Variants in KLF12 observed in about 807,000 individuals in gnomAD.
KLF12 encodes the protein KLF transcription factor 12, also known as Krueppel-like factor 12.
KLF12 carries 9 observed loss-of-function variants against 37.8 expected under a neutral mutation model. The ratio of observed to expected loss-of-function variants is 0.24; its 90% CI spans 0.14 to 0.42. The LOEUF (loss-of-function observed/expected upper bound fraction) is 0.42, where lower values mean the gene tolerates loss of function less well. Among genes scored for constraint, KLF12 ranks in the 10% least tolerant of loss-of-function variants. The probability of loss-of-function intolerance (pLI) is 1.00; values close to 1 mark genes in which losing one functional copy is unlikely to be tolerated. For synonymous variants in KLF12, 208 were observed against 202.1 expected (o/e 1.03, Z -0.25); for missense variants, 411 against 516.0 (o/e 0.80, Z 1.97).
the KLF12 span, among the ~76,000 whole-genome samples, chr13:74,223,314 A>G: frequency 1.3e-5 from 2 of 152,364 alleles, no homozygotes; most frequent in East Asian, 3.9e-4. Flanking sequence ...ACATGCTGCA[A>G]ATAATATCTG....
intron 1 of KLF12, among the ~76,000 whole-genome samples, chr13:74,117,197 T>C (rs531230271): frequency 1.3e-5 from 2 of 152,312 alleles, no homozygotes; most frequent in Admixed American, 1.3e-4. Flanking sequence ...GGTTTCTAGA[T>C]ATCATTCTAC....
chr13:73,898,115 TAGGAG>T (rs1036190279), intron 3 of KLF12, among the ~76,000 whole-genome samples: 43 of 152,184 alleles, frequency 2.8e-4, no homozygotes, highest in African/African-American at 1.0e-3. Context: ...TCACTTCCTC[TAGGAG>T]AGATTACTTA....
the KLF12 span, among the ~76,000 whole-genome samples, chr13:74,270,263 G>A: frequency 6.6e-6 from 1 of 152,266 alleles, no homozygotes; most frequent in Admixed American, 6.5e-5. Flanking sequence ...TGATTGAGAT[G>A]ACTCAGGATT....
At chr13:73,938,865 G>C (rs906949646) in intron 3 of KLF12, among the ~76,000 whole-genome samples, 3 of 152,006 alleles carry the variant, frequency 2.0e-5, no homozygotes, top group Admixed American at 2.0e-4. Context: ...GAGTATTGAC[G>C]TGATTCTATA....
intron 3 of KLF12, among the ~76,000 whole-genome samples, chr13:73,886,899 G>A (rs1345005420): frequency 6.6e-6 from 1 of 151,656 alleles, no homozygotes; most frequent in Non-Finnish European, 1.5e-5. Flanking sequence ...GGCTGAGGCA[G>A]GAGAATGGCT....
At chr13:74,274,633 A>G in the KLF12 span, among the ~76,000 whole-genome samples, 1 of 151,100 alleles carries the variant, frequency 6.6e-6, no homozygotes, top group Non-Finnish European at 1.5e-5. Flanking sequence ...GTTGTATATT[A>G]CCATTCTTTT....
rs145763142 is a variant in KLF12, at chr13:73,691,795, A to G, written c.*3695T>C. 6.5e-5 allele frequency: 10 copies of G among 152,770 alleles called. No individual in the cohort carries two copies. The highest frequency in any genetic ancestry group is 1.2e-4 in the Non-Finnish European group (8 of 68,016). The allele number at this position is 152,770 out of a possible 1,614,324, so 9.5% of individuals were successfully genotyped here. ...GTTATCATTCTAATGAACTGATTCC[A>G]AAGTGCAGAATTATGTTTAAAACAC... On this transcript the variant is annotated 3_prime_UTR_variant, in exon 8 of 8. Transcript: ENST00000377669.
intron 5 of KLF12, among the ~76,000 whole-genome samples, chr13:73,809,824 A>G (rs1383595803): frequency 6.6e-6 from 1 of 152,170 alleles, no homozygotes; most frequent in Non-Finnish European, 1.5e-5. Flanking sequence ...AGCTCAGTGT[A>G]TTCTTAACTA....
At chr13:74,094,159 A>T (rs2138835675) in intron 1 of KLF12, among the ~76,000 whole-genome samples, 1 of 152,282 alleles carries the variant, frequency 6.6e-6, no homozygotes, top group East Asian at 1.9e-4. Context: ...TGTCATATAC[A>T]TGCACAAATA....
chr13:73,710,729 C>A (rs1875330163), intron 7 of KLF12, among the ~76,000 whole-genome samples: 1 of 120,892 alleles, frequency 8.3e-6, no homozygotes. Flanking sequence ...TTGAGCCCCC[C>A]TATTCCTTGA....
chr13:74,148,742 T>TTTTTG, the KLF12 span, among the ~76,000 whole-genome samples: 7 of 152,076 alleles, frequency 4.6e-5, no homozygotes, highest in East Asian at 1.9e-4. Flanking sequence ...TTCTCCAGTT[T>TTTTTG]TTTTGTTTTG....
chr13:73,969,300 G>C (rs189825279), intron 2 of KLF12, among the ~76,000 whole-genome samples: 232 of 152,292 alleles, frequency 1.5e-3, no homozygotes, highest in African/African-American at 5.1e-3. Flanking sequence ...AGTAGAGAAA[G>C]GGGTTATAAA....
intron 2 of KLF12, among the ~76,000 whole-genome samples, chr13:73,993,156 C>T (rs1341870350): frequency 6.6e-6 from 1 of 152,160 alleles, no homozygotes; most frequent in Non-Finnish European, 1.5e-5. Context: ...TGTTTGAACC[C>T]AGAAGGCAGA....
intron 4 of KLF12, among the ~76,000 whole-genome samples, chr13:73,838,140 G>A (rs1345812359): frequency 1.4e-5 from 2 of 144,274 alleles, no homozygotes; most frequent in Non-Finnish European, 1.6e-5. Flanking sequence ...TTGCATCAAC[G>A]GGACAGAACC....
chr13:74,080,992 T>G (rs7318809), intron 1 of KLF12, among the ~76,000 whole-genome samples: 1 of 152,104 alleles, frequency 6.6e-6, no homozygotes, highest in Non-Finnish European at 1.5e-5. Context: ...ATCATGCCTG[T>G]GGTTTACACA....
At chr13:74,265,702 TC>T in the KLF12 span, among the ~76,000 whole-genome samples, 6 of 152,202 alleles carry the variant, frequency 3.9e-5, no homozygotes, top group South Asian at 2.1e-4. Flanking sequence ...CACATCCTCT[TC>T]TTTTTCCCTT....
At chr13:73,942,335 CT>C (rs1231565475) in intron 3 of KLF12, among the ~76,000 whole-genome samples, 1 of 151,842 alleles carries the variant, frequency 6.6e-6, no homozygotes, top group Admixed American at 6.6e-5. Flanking sequence ...TGCTTTTTCA[CT>C]TTTTTTTCCC....
chr13:73,710,283 G>C (rs912945191), intron 7 of KLF12, among the ~76,000 whole-genome samples: 6 of 151,998 alleles, frequency 3.9e-5, no homozygotes, highest in Admixed American at 2.6e-4. Flanking sequence ...TAACCCAATA[G>C]AGTAAACTGC....
chr13:74,233,837 C>A, the KLF12 span, among the ~76,000 whole-genome samples: 1 of 152,052 alleles, frequency 6.6e-6, no homozygotes, highest in Non-Finnish European at 1.5e-5. Context: ...TTGCGGGATA[C>A]AAGCTTAATA....
Sources: allele counts gnomAD v4.1 joint callset (sites outside exome capture counted in the v4.1 genomes callset), GRCh38; gene constraint gnomAD v4.1.1; transcripts MANE v1.5; gene names NCBI Gene and HGNC (gene_info 2026-07-23, HGNC 2026-07-21).